Variants in PRKCE observed in about 807,000 individuals in gnomAD.
PRKCE encodes protein kinase C epsilon.
PRKCE carries 16 observed loss-of-function variants against 85.4 expected under a neutral mutation model. That is an observed-to-expected ratio of 0.19 (90% CI 0.13 to 0.28). The LOEUF is 0.28. PRKCE is among the 10% of genes least tolerant of loss of function. The pLI, the probability that PRKCE is intolerant of heterozygous loss-of-function variation, is 1.00. For synonymous variants in PRKCE, 388 were observed against 371.5 expected (o/e 1.04, Z -0.51); for missense variants, 573 against 975.2 (o/e 0.59, Z 5.49).
intron 2 of PRKCE, among the ~76,000 whole-genome samples, chr2:45,861,383 G>C (rs1389802538): frequency 6.6e-6 from 1 of 152,048 alleles, no homozygotes; most frequent in Non-Finnish European, 1.5e-5. Flanking sequence ...AATAGATTGG[G>C]GGTAAATATG....
chr2:46,083,606 T>C (rs1033065062), intron 10 of PRKCE, among the ~76,000 whole-genome samples: 6 of 152,188 alleles, frequency 3.9e-5, no homozygotes, highest in Non-Finnish European at 7.4e-5. Flanking sequence ...GTACTTCCCA[T>C]GTGAAAGGCT....
At chr2:45,677,566 C>G (rs1168417086) in intron 1 of PRKCE, among the ~76,000 whole-genome samples, 1 of 152,068 alleles carries the variant, frequency 6.6e-6, no homozygotes, top group African/African-American at 2.4e-5. Context: ...CCTTGTTAGC[C>G]AGGATGGTCT....
chr2:45,770,836 A>G (rs1429443510), intron 1 of PRKCE: 2 of 150,094 alleles, frequency 1.3e-5, no homozygotes, highest in Admixed American at 6.8e-5. Flanking sequence ...CCAAGGGTGA[A>G]AAAGACCAAC....
chr2:45,751,579 G>T (rs996919311), intron 1 of PRKCE, among the ~76,000 whole-genome samples: 3 of 151,992 alleles, frequency 2.0e-5, no homozygotes, highest in African/African-American at 7.3e-5. Context: ...TCTGAAGGAG[G>T]GCCTGTGGTT....
At chr2:46,054,862 CAG>C (rs1666411262) in intron 10 of PRKCE, among the ~76,000 whole-genome samples, 1 of 152,066 alleles carries the variant, frequency 6.6e-6, no homozygotes, top group Non-Finnish European at 1.5e-5. Flanking sequence ...AGCTGTGCAT[CAG>C]AGACTATGGG....
At chr2:45,913,775 A>T in intron 2 of PRKCE, among the ~76,000 whole-genome samples, 1 of 152,236 alleles carries the variant, frequency 6.6e-6, no homozygotes, top group East Asian at 1.9e-4. Flanking sequence ...CCTGCCATCC[A>T]GGTGTCTAGT....
intron 1 of PRKCE, among the ~76,000 whole-genome samples, chr2:45,817,293 C>T (rs187051614): frequency 6.6e-6 from 1 of 152,318 alleles, no homozygotes; most frequent in East Asian, 1.9e-4. Context: ...CTTATTTTTA[C>T]TTTATCTATA....
chr2:46,030,870 T>C (rs1483944362), intron 10 of PRKCE, among the ~76,000 whole-genome samples: 2 of 152,210 alleles, frequency 1.3e-5, no homozygotes, highest in Non-Finnish European at 2.9e-5. Flanking sequence ...CACGGAATAT[T>C]TCTTCTCCGT....
chr2:46,073,528 C>T (rs1372627067), intron 10 of PRKCE: 1 of 152,278 alleles, frequency 6.6e-6, no homozygotes, highest in African/African-American at 2.4e-5. Context: ...GTCCTGGCTT[C>T]TCCTCGCCCT....
At chr2:46,002,016 C>G (rs1051001464) in intron 7 of PRKCE, among the ~76,000 whole-genome samples, 2 of 152,174 alleles carry the variant, frequency 1.3e-5, no homozygotes, top group Admixed American at 1.3e-4. Flanking sequence ...ACTGAGCTGC[C>G]TGGGGAATAT....
intron 11 of PRKCE, among the ~76,000 whole-genome samples, chr2:46,133,356 C>G (rs569440085): frequency 6.6e-6 from 1 of 152,204 alleles, no homozygotes; most frequent in South Asian, 2.1e-4. Context: ...TCCTGTTTCT[C>G]CCTCTGGTTT....
chr2:45,878,955 A>G (rs1196838496), intron 2 of PRKCE, among the ~76,000 whole-genome samples: 2 of 152,184 alleles, frequency 1.3e-5, no homozygotes, highest in South Asian at 4.1e-4. Context: ...TAAAATAATT[A>G]TGATAGGGAC....
At chr2:45,878,252 T>A (rs948641355) in intron 2 of PRKCE, among the ~76,000 whole-genome samples, 4 of 152,242 alleles carry the variant, frequency 2.6e-5, no homozygotes, top group Admixed American at 1.3e-4. Flanking sequence ...TTCATTGTGC[T>A]TGGAAATCTT....
intron 1 of PRKCE, among the ~76,000 whole-genome samples, chr2:45,796,883 G>A (rs751759295): frequency 3.9e-5 from 6 of 152,308 alleles, no homozygotes; most frequent in Admixed American, 2.0e-4. Context: ...GTCCCAGAGT[G>A]CTAAGAGTAT....
intron 11 of PRKCE, among the ~76,000 whole-genome samples, chr2:46,091,493 T>C (rs1670166555): frequency 6.6e-6 from 1 of 152,324 alleles, no homozygotes; most frequent in East Asian, 1.9e-4. Context: ...GGAATGGAGT[T>C]GAAGGCTTGG....
At chr2:46,014,833 G>C (rs558739241) in intron 10 of PRKCE, among the ~76,000 whole-genome samples, 1 of 152,224 alleles carries the variant, frequency 6.6e-6, no homozygotes, top group Non-Finnish European at 1.5e-5. Context: ...TTTGCAAGAG[G>C]GTAGGGGTAA....
At chr2:45,847,557 C>T (rs1271086822) in intron 2 of PRKCE, among the ~76,000 whole-genome samples, 1 of 140,646 alleles carries the variant, frequency 7.1e-6, no homozygotes, top group African/African-American at 2.7e-5. Flanking sequence ...ACCAAGTGCC[C>T]AGCAGTATTA....
chr2:45,807,121 A>G lies in PRKCE; in HGVS notation c.349-35879A>G, dbSNP rs537558680. Among the ~76,000 whole-genome samples the G allele has an allele frequency of 3.3e-5, 5 of 152,328 alleles. No individual in the cohort carries two copies. In the East Asian group the frequency reaches 7.7e-4, roughly 23 times the overall value. Reference sequence around the variant, plus strand: ...TTGAATACTGGCTCTGCCTTTTGTTAGAGGTGTGATCTTGAGCAAGCCATG... The same window carrying G: ...TTGAATACTGGCTCTGCCTTTTGTTGGAGGTGTGATCTTGAGCAAGCCATG... On this transcript the variant is annotated intron_variant, in intron 1 of 14. Transcript: ENST00000306156.
intron 1 of PRKCE, among the ~76,000 whole-genome samples, chr2:45,707,687 T>C (rs182186775): frequency 6.6e-6 from 1 of 152,358 alleles, no homozygotes; most frequent in East Asian, 1.9e-4. Flanking sequence ...AGGGAGAACA[T>C]TTCTTCTGTG....
Sources: allele counts gnomAD v4.1 joint callset (sites outside exome capture counted in the v4.1 genomes callset), GRCh38; gene constraint gnomAD v4.1.1; transcripts MANE v1.5; gene names NCBI Gene and HGNC (gene_info 2026-07-23, HGNC 2026-07-21).